The following PPP1R3F variants were observed in gnomAD, a reference collection of about 807,000 sequenced individuals.
The protein encoded by PPP1R3F is protein phosphatase 1 regulatory subunit 3F.
In PPP1R3F, 29 loss-of-function variants were observed where a neutral mutation model predicts 24.2. That is an observed-to-expected ratio of 1.20 (90% confidence interval 0.89 to 1.63). PPP1R3F has a LOEUF of 1.63. Among genes scored for constraint, PPP1R3F ranks in the 40% most tolerant of loss-of-function variants. The pLI, the probability that PPP1R3F is intolerant of heterozygous loss-of-function variation, is 0.00. For synonymous variants in PPP1R3F, 363 were observed against 340.1 expected, an observed-to-expected ratio of 1.07 and a Z score of -0.74; for missense variants, 823 against 729.3, an observed-to-expected ratio of 1.13 and a Z score of -1.48.
rs376213043 is a variant in PPP1R3F, at chrX:49,270,736, C to A, written c.867C>A (p.Pro289=). 8.3e-7 allele frequency: 1 copy of A among 1,204,845 alleles called. No individual in the cohort carries two copies. The highest frequency in any genetic ancestry group is 1.1e-6 in the Non-Finnish European group (1 of 892,231). ...RNYTVLLRIA[P]APTPTDAEGL... ...ACACAGTCCTGCTCCGGATCGCACC[C>A]GCTCCCACACCCACTGATGCCGAAG... The change falls in exon 1 of 4, where the codon CCC becomes CCA. Residue 289 remains proline (P), a synonymous_variant. Transcript: ENST00000055335.
At chrX:49,280,064 C>G (rs1557120469) in intron 1 of PPP1R3F, among the ~76,000 whole-genome samples, 1 of 111,077 alleles carries the variant, frequency 9.0e-6, no homozygotes, top group African/African-American at 3.3e-5. Context: ...CATCCTGACT[C>G]CCCGGGGCTC....
intron 3 of PPP1R3F, among the ~76,000 whole-genome samples, chrX:49,284,942 T>C (rs782215388): frequency 4.5e-5 from 5 of 111,794 alleles, no homozygotes; most frequent in Non-Finnish European, 7.5e-5. Flanking sequence ...TTTCAAAAGA[T>C]GGAGCTAGGA....
At chrX:49,296,114 C>G (rs2066322093) in intron 3 of PPP1R3F, among the ~76,000 whole-genome samples, 1 of 111,744 alleles carries the variant, frequency 8.9e-6, no homozygotes, top group Non-Finnish European at 1.9e-5. Context: ...CTTTGTAACT[C>G]TGGTAGAATT....
chrX:49,280,032 T>G (rs782427810), intron 1 of PPP1R3F, among the ~76,000 whole-genome samples: 1 of 111,538 alleles, frequency 9.0e-6, no homozygotes, highest in Admixed American at 9.5e-5. Flanking sequence ...TCATTCCTCT[T>G]GACTGCCCTG....
At position 49,282,443 on chromosome X, in the gene PPP1R3F, C is replaced by CTGTGTGTG. The variant is rs545507997; in HGVS notation, c.1143+424_1143+431dup. On this transcript the variant is annotated intron_variant, in intron 3 of 3. Transcript: ENST00000055335. ...AGGAATAGGGAGTGGGTGAGAGACTCTGTGTGTGTGTGTGTGTGTGTGTGT... is the reference window on the plus strand; with the variant it reads ...AGGAATAGGGAGTGGGTGAGAGACTCTGTGTGTGTGTGTGTGTGTGTGTGTGTGTGTGT... Among the ~76,000 whole-genome samples the CTGTGTGTG allele has an allele frequency of 1.1e-3, 81 of 73,928 alleles. 1 individual carries two copies. Among genetic ancestry groups the CTGTGTGTG allele is most frequent in the African/African-American group, 3.8e-3 (70 of 18,539 alleles). 64.2% of individuals were successfully genotyped at this position (73,928 alleles called of 115,157 possible).
Position 49,270,528 on chromosome X carries a change from CG to C in PPP1R3F, c.663del (p.Leu222SerfsTer104). The C allele has an allele frequency of 2.5e-6, 3 of 1,205,124 alleles. No homozygotes were observed. The highest frequency in any genetic ancestry group is 1.1e-6 in the Non-Finnish European group (1 of 894,622). ...GTGAGDPILDPGLGLGPGQAS... is the reference protein window; with the variant it reads ...GTGAGDPILDXGLGLGPGQAS... ...GGAGCAGGAGATCCCATCCTGGATC[CG>C]GGGCTCGGCCTGGGTCCCGGCCAGG... On this transcript the variant is annotated frameshift_variant, in exon 1 of 4. Coordinates refer to ENST00000055335, the MANE Select transcript of PPP1R3F (RefSeq NM_033215.5). LOFTEE classifies it high-confidence loss of function.
At chrX:49,297,828 C>CTTTTTT (rs61353822) in intron 3 of PPP1R3F, among the ~76,000 whole-genome samples, 35 of 19,617 alleles carry the variant, frequency 1.8e-3, no homozygotes, top group South Asian at 9.7e-3. Flanking sequence ...GCAACCCCTG[C>CTTTTTT]TTTTTTTTTT....
At chrX:49,276,432 G>A (rs2147964790) in intron 1 of PPP1R3F, among the ~76,000 whole-genome samples, 1 of 112,711 alleles carries the variant, frequency 8.9e-6, no homozygotes, top group South Asian at 3.6e-4. Flanking sequence ...AGGTGGCAGA[G>A]CTGGAATTGT....
At chrX:49,284,807 C>T (rs2066271762) in intron 3 of PPP1R3F, among the ~76,000 whole-genome samples, 3 of 111,705 alleles carry the variant, frequency 2.7e-5, no homozygotes, top group Admixed American at 1.9e-4. Flanking sequence ...GCCACTGAGC[C>T]TGGCCAGAAA....
intron 3 of PPP1R3F, among the ~76,000 whole-genome samples, chrX:49,285,379 A>G (rs782440458): frequency 1.8e-5 from 2 of 111,089 alleles, no homozygotes; most frequent in Admixed American, 1.9e-4. Flanking sequence ...TATTTTTGGT[A>G]GAGACGGGGT....
At position 49,286,681 on chromosome X, in the gene PPP1R3F, A is replaced by G; in HGVS notation, c.1991A>G (p.Glu664Gly). 1 of 1,210,174 alleles carries G rather than the reference A, an allele frequency of 8.3e-7. No individual in the cohort carries two copies. The highest frequency in any genetic ancestry group is 1.1e-6 in the Non-Finnish European group (1 of 894,607). ...HMNRVIAGVT[E>G]SLGEAGTEAQ... ...AATAGGGTGATAGCTGGGGTGACTG[A>G]GTCCCTGGGGGAGGCCGGGACAGAA... Residue 664 changes from glutamate (E) to glycine (G), a missense_variant, in exon 4 of 4, where the codon GAG becomes GGG. Coordinates refer to ENST00000055335, the MANE Select transcript of PPP1R3F (RefSeq NM_033215.5).
intron 1 of PPP1R3F, among the ~76,000 whole-genome samples, chrX:49,278,905 C>G (rs1040372625): frequency 8.9e-6 from 1 of 112,422 alleles, no homozygotes; most frequent in African/African-American, 3.2e-5. Flanking sequence ...TGGGTAAGAC[C>G]CCAGTCTCCC....
rs781830890 is a variant in PPP1R3F at position 49,270,468 on chromosome X, C to T, written c.599C>T (p.Pro200Leu). The T allele has an allele frequency of 1.7e-5, 21 of 1,200,066 alleles. No individual in the cohort carries two copies. Among genetic ancestry groups the T allele is most frequent in the Admixed American group, 2.2e-5 (1 of 45,882 alleles). Residue 200 changes from proline (P) to leucine (L), a missense_variant, in exon 1 of 4, where the codon CCG (proline) becomes CTG (leucine). Transcript: ENST00000055335. ...SFCDHPARYVPRSPPWAGAGG... is the reference protein window; with the variant it reads ...SFCDHPARYVLRSPPWAGAGG... ...TGCGACCACCCAGCGCGCTACGTCC[C>T]GCGCAGCCCGCCGTGGGCAGGAGCG...
chrX:49,291,395 T>C (rs2066308732), downstream of PPP1R3F, among the ~76,000 whole-genome samples: 1 of 107,873 alleles, frequency 9.3e-6, no homozygotes, highest in Admixed American at 9.9e-5. Context: ...TGGCACATTC[T>C]CAGCTCACTG....
chrX:49,270,225 T>G lies in PPP1R3F; in HGVS notation c.356T>G (p.Phe119Cys). The change falls in exon 1 of 4, where the codon TTT becomes TGT. Residue 119 changes from phenylalanine to cysteine, a missense_variant. Physicochemically the swap from Phe to Cys is radical, Grantham distance 205 (BLOSUM62 -2). Coordinates refer to ENST00000055335, the MANE Select transcript of PPP1R3F (RefSeq NM_033215.5). ...AGGGFYLVPTFSLPPAPGRLE... is the reference protein window; with the variant it reads ...AGGGFYLVPTCSLPPAPGRLE... ...GGGGGGTTTTACCTGGTCCCCACAT[T>G]TTCGCTGCCGCCCGCGCCGGGCCGT... is the stretch of plus-strand genomic sequence containing the variant. 9.1e-7 allele frequency: 1 copy of G among 1,095,335 alleles called. No homozygotes were observed. The highest frequency in any genetic ancestry group is 2.7e-4 in the Middle Eastern group (1 of 3,691). 90.3% of individuals were successfully genotyped at this position (1,095,335 alleles called of 1,213,427 possible). A position where few individuals can be genotyped will look rare whatever the true frequency, so the allele number is the denominator to read the frequency against.
At chrX:49,280,371 C>T (rs868923584) in intron 1 of PPP1R3F, among the ~76,000 whole-genome samples, 2 of 110,840 alleles carry the variant, frequency 1.8e-5, no homozygotes, top group Non-Finnish European at 3.8e-5. Flanking sequence ...GCCTCAGCCT[C>T]CCAGGTAGTT....
At chrX:49,276,456 T>C (rs1241383575) in intron 1 of PPP1R3F, among the ~76,000 whole-genome samples, 2 of 112,373 alleles carry the variant, frequency 1.8e-5, no homozygotes, top group African/African-American at 6.5e-5. Flanking sequence ...AAATTGCATA[T>C]CCTAACCCTT....
chrX:49,277,819 GTT>G (rs2066223620), intron 1 of PPP1R3F, among the ~76,000 whole-genome samples: 2 of 112,361 alleles, frequency 1.8e-5, no homozygotes, highest in South Asian at 7.3e-4. Context: ...TTGAGTTTTA[GTT>G]TTTGCATTTG....
chrX:49,282,087 G>C (rs782603525), intron 3 of PPP1R3F, 24 bp downstream of exon 3: 1 of 1,123,858 alleles, frequency 8.9e-7, no homozygotes, highest in Admixed American at 2.2e-5. Context: ...TGCAGCCTTG[G>C]AGTAGACAGC....
Sources: gnomAD v4.1 joint callset for allele counts (sites outside exome capture counted in the v4.1 genomes callset) on GRCh38, gnomAD v4.1.1 for gene constraint, MANE v1.5 for transcripts, NCBI Gene and HGNC (gene_info 2026-07-23, HGNC 2026-07-21) for gene names.